TGM5: variants seen among roughly 807,000 people sequenced by gnomAD.
The protein encoded by TGM5 is transglutaminase 5, also known as protein-glutamine gamma-glutamyltransferase 5.
A neutral mutation model predicts 77.2 loss-of-function variants in TGM5; 69 were observed. The observed-to-expected ratio is 0.89, with a 90% CI of 0.74 to 1.09. TGM5 has a LOEUF of 1.09. Ranked by LOEUF, TGM5 falls within the 50% of genes least tolerant of loss-of-function variation. The probability of loss-of-function intolerance (pLI) is 0.00; values close to 1 mark genes in which losing one functional copy is unlikely to be tolerated. For synonymous variants in TGM5, 346 were observed against 351.8 expected (o/e 0.98, Z 0.18); for missense variants, 842 against 896.5 (o/e 0.94, Z 0.78).
intron 3 of TGM5, among the ~76,000 whole-genome samples, chr15:43,259,402 T>C (rs1374646501): frequency 6.6e-6 from 1 of 150,672 alleles, no homozygotes; most frequent in Non-Finnish European, 1.5e-5. Flanking sequence ...TTGTAGCTGC[T>C]AAGAAGAATG....
intron 4 of TGM5, among the ~76,000 whole-genome samples, chr15:43,255,177 T>TA (rs1229871577): frequency 6.6e-6 from 1 of 151,506 alleles, no homozygotes; most frequent in African/African-American, 2.4e-5. Flanking sequence ...CTGCAAAAAA[T>TA]AAAAAAATTA....
At position 43,235,599 on chromosome 15, in the gene TGM5, C is replaced by A. The variant is rs2042583366; in HGVS notation, c.1584G>T (p.Leu528=). ...TGAACTGGGAGGACATGTTGAGGGC[C>A]AGCAGGACAAAGCATATATCCTGGC... ...NMGQDICFVL[L]ALNMSSQFKD... is the part of the protein sequence containing the mutation. Residue 528 remains leucine (L), a synonymous_variant, in exon 10 of 13, where the codon CTG becomes CTT. Transcript: ENST00000220420. The A allele has an allele frequency of 2.5e-6, 4 of 1,614,066 alleles. No individual in the cohort carries two copies. The highest frequency in any genetic ancestry group is 3.4e-6 in the Non-Finnish European group (4 of 1,180,050).
intron 1 of TGM5, among the ~76,000 whole-genome samples, chr15:43,261,060 C>G (rs1406859943): frequency 1.1e-5 from 1 of 90,620 alleles, no homozygotes; most frequent in Non-Finnish European, 2.0e-5. Flanking sequence ...GCTGCTCTTC[C>G]TTTTTTTGTG....
rs145402994 is a variant in TGM5 at position 43,239,918 on chromosome 15, T to C, written c.1002-652A>G. Among the ~76,000 whole-genome samples, 20 of 152,248 alleles carry C rather than the reference T, an allele frequency of 1.3e-4. No individual in the cohort carries two copies. In the East Asian group the frequency reaches 3.3e-3, roughly 25 times the overall value. ...TAAGGCCGTCCTGTGGTCAGAACTG[T>C]TGGGACTCAGGAAACAATACTCCAA... On this transcript the variant is annotated intron_variant, in intron 7 of 12. Transcript: ENST00000220420.
intron 9 of TGM5, 83 bp downstream of exon 9, chr15:43,238,732 CCT>C: frequency 6.4e-7 from 1 of 1,566,306 alleles, no homozygotes; most frequent in South Asian, 1.2e-5. Flanking sequence ...CTGGGTCCTG[CCT>C]CGCAGATGCT....
chr15:43,234,774 T>G lies in TGM5; in HGVS notation c.1870A>C (p.Ile624Leu), dbSNP rs2042574826. ...TTTGCAGGACTCCTGCCTACATTAA[T>G]CGTGATGCTTGGATAAGATAAGGTG... ...IITLSYPSIT[I>L]NVLGAAVVNQ... The change falls in exon 11 of 13, where the codon ATT (isoleucine) becomes CTT (leucine). Residue 624 changes from isoleucine to leucine, a missense_variant. By Grantham distance (5) the Ile-to-Leu change is conservative. Around this residue, in one of 2 missense-constraint regions of TGM5, gnomAD observed 815 missense variants for 844.6 expected, o/e 0.96. Coordinates refer to ENST00000220420, the MANE Select transcript of TGM5 (RefSeq NM_201631.4). The G allele has an allele frequency of 1.4e-5, 22 of 1,614,034 alleles. No individual in the cohort carries two copies. The highest frequency in any genetic ancestry group is 1.9e-5 in the Non-Finnish European group (22 of 1,180,012).
chr15:43,258,165 A>G (rs1462019663), intron 3 of TGM5, among the ~76,000 whole-genome samples: 1 of 152,118 alleles, frequency 6.6e-6, no homozygotes, highest in Non-Finnish European at 1.5e-5. Context: ...CCAACATGGC[A>G]CATGTATACA....
chr15:43,240,406 G>A (rs1456194276), intron 7 of TGM5, among the ~76,000 whole-genome samples: 1 of 152,034 alleles, frequency 6.6e-6, no homozygotes, highest in African/African-American at 2.4e-5. Context: ...AATTTCCCCT[G>A]TATCTTTGGG....
At position 43,238,960 on chromosome 15, in the gene TGM5, G is replaced by T; in HGVS notation, c.1202C>A (p.Ala401Asp). The T allele has an allele frequency of 6.2e-7, 1 of 1,614,200 alleles. No homozygotes were observed. The change falls in exon 9 of 13, where the codon GCT (alanine) becomes GAT (aspartate). Residue 401 changes from alanine to aspartate, a missense_variant. Transcript: ENST00000220420. Reference protein sequence around the residue: ...DTPFVFSMVNADCMSWLVQGG... With the variant: ...DTPFVFSMVNDDCMSWLVQGG... ...CTGGACGAGCCAGGACATGCAGTCA[G>T]CATTCACCATCGAAAACACAAAGGG...
chr15:43,252,709 A>T (rs2042712900), intron 6 of TGM5, 50 bp downstream of exon 6: 1 of 1,604,276 alleles, frequency 6.2e-7, no homozygotes, highest in Non-Finnish European at 8.5e-7. Context: ...AGGCTCATAC[A>T]TGAGCGGCTA....
Position 43,233,130 on chromosome 15 carries a change from T to C in TGM5, c.*61A>G. ...GTGGTGGGGAATGGCGCAGCTTGCA[T>C]TTGAACTTGCTCCTTTTCCTGAAGC... is the stretch of plus-strand genomic sequence containing the variant. On this transcript the variant is annotated 3_prime_UTR_variant, in exon 13 of 13. Transcript: ENST00000220420. The C allele has an allele frequency of 6.2e-7, 1 of 1,605,732 alleles. No individual in the cohort carries two copies. The highest frequency in any genetic ancestry group is 8.5e-7 in the Non-Finnish European group (1 of 1,175,114).
In TGM5 at chr15:43,260,106, C is replaced by T. The variant is rs748736308; in HGVS notation, c.382G>A (p.Val128Met). The change falls in exon 3 of 13, where the codon GTG becomes ATG. Residue 128 changes from valine to methionine, a missense_variant. Val to Met is a conservative substitution (Grantham distance 21). This residue lies in a region of TGM5 where 815 missense variants were observed against 844.6 expected (regional missense o/e 0.96). Transcript: ENST00000220420. ...KIHIDSFQGSVTAYQLGEFIL... is the reference protein window; with the variant it reads ...KIHIDSFQGSMTAYQLGEFIL... ...AACTCCCCTAGCTGGTAGGCCGTCA[C>T]AGACCCCTGGAAGGAGTCGATGTGG... is the stretch of plus-strand genomic sequence containing the variant. 1 of 1,614,182 alleles carries T rather than the reference C, an allele frequency of 6.2e-7. No individual in the cohort carries two copies.
At chr15:43,235,412 G>T in intron 10 of TGM5, 57 bp downstream of exon 10, 1 of 1,612,790 alleles carries the variant, frequency 6.2e-7, no homozygotes, top group South Asian at 1.1e-5. Context: ...TGGCTGGCTT[G>T]ACCCCACTGA....
chr15:43,239,346 C>G, intron 7 of TGM5, 80 bp from the exon 8 acceptor site: 2 of 1,427,520 alleles, frequency 1.4e-6, no homozygotes, highest in Non-Finnish European at 2.0e-6. Context: ...AGCAAATGAA[C>G]TGTTGGATAG....
intron 6 of TGM5, among the ~76,000 whole-genome samples, chr15:43,251,799 T>C (rs2042705491): frequency 1.3e-5 from 2 of 152,248 alleles, no homozygotes; most frequent in Non-Finnish European, 2.9e-5. Context: ...CTCCTCCTCT[T>C]GTCACCCACA....
chr15:43,243,954 ACAGGGCAGGAAGAGAAAAAC>A (rs1256025988), intron 6 of TGM5, among the ~76,000 whole-genome samples: 3 of 152,236 alleles, frequency 2.0e-5, no homozygotes, highest in Non-Finnish European at 2.9e-5. Context: ...AGGTAAGGTC[ACAGGGCAGGAAGAGAAAAAC>A]CAGGGCAGGA....
intron 6 of TGM5, among the ~76,000 whole-genome samples, chr15:43,244,111 C>T (rs970900857): frequency 4.6e-5 from 7 of 152,208 alleles, no homozygotes; most frequent in African/African-American, 1.4e-4. Flanking sequence ...GAAGTTTTCA[C>T]CAATGACTCC....
intron 9 of TGM5, among the ~76,000 whole-genome samples, chr15:43,238,096 C>T (rs2042603843): frequency 6.6e-6 from 1 of 152,206 alleles, no homozygotes; most frequent in South Asian, 2.1e-4. Flanking sequence ...AGACGAACCA[C>T]AGACACCCAC....
chr15:43,235,691 A>G lies in TGM5; in HGVS notation c.1492T>C (p.Ser498Pro), dbSNP rs765242740. The G allele has an allele frequency of 3.1e-6, 5 of 1,614,132 alleles. No individual in the cohort carries two copies. Among genetic ancestry groups the G allele is most frequent in the Non-Finnish European group, 4.2e-6 (5 of 1,180,022 alleles). The change falls in exon 10 of 13, where the codon TCC becomes CCC. Residue 498 changes from serine to proline, a missense_variant. Around this residue, in one of 2 missense-constraint regions of TGM5, gnomAD observed 815 missense variants for 844.6 expected, o/e 0.96. Transcript: ENST00000220420. ...TGCACCACATCACTGGGTCGAAGGG[A>G]AGGTGTATGCAGGCTCCGAGGGCTG... is the stretch of plus-strand genomic sequence containing the variant. The part of the protein sequence containing the change: ...QDSPRSLHTP[S>P]LRPSDVVQVS...
Sources: gnomAD v4.1 joint callset for allele counts (sites outside exome capture counted in the v4.1 genomes callset) on GRCh38, gnomAD v4.1.1 for gene constraint, gnomAD v4.1.1 regional missense constraint, MANE v1.5 for transcripts, NCBI Gene and HGNC (gene_info 2026-07-23, HGNC 2026-07-21) for gene names.